LHFPL3: variants seen among roughly 807,000 people sequenced by gnomAD.
The protein encoded by LHFPL3 is LHFPL tetraspan subfamily member 3.
In LHFPL3, 5 loss-of-function variants were observed where a neutral mutation model predicts 19.3. The ratio of observed to expected loss-of-function variants is 0.26; its 90% CI spans 0.14 to 0.54. The LOEUF is 0.54. Among genes scored for constraint, LHFPL3 ranks in the 20% least tolerant of loss-of-function variants. LHFPL3 has a pLI of 0.94. For synonymous variants in LHFPL3, 133 were observed against 126.2 expected, an observed-to-expected ratio of 1.05 and a Z score of -0.36; for missense variants, 249 against 307.4, an observed-to-expected ratio of 0.81 and a Z score of 1.42.
At chr7:104,555,871 G>A (rs1387916730) in intron 1 of LHFPL3, among the ~76,000 whole-genome samples, 1 of 152,190 alleles carries the variant, frequency 6.6e-6, no homozygotes, top group Non-Finnish European at 1.5e-5. Context: ...TGGGGGTACA[G>A]GCATTACAAC....
chr7:104,876,025 C>T (rs762250064), intron 2 of LHFPL3, among the ~76,000 whole-genome samples: 1 of 152,140 alleles, frequency 6.6e-6, no homozygotes, highest in Non-Finnish European at 1.5e-5. Flanking sequence ...ATTCCAGGGT[C>T]AAATAATGAT....
chr7:104,464,888 C>T (rs1452442092), intron 1 of LHFPL3, among the ~76,000 whole-genome samples: 3 of 152,230 alleles, frequency 2.0e-5, no homozygotes, highest in Non-Finnish European at 4.4e-5. Context: ...ATTGCTTATG[C>T]AAGTTTCTAC....
At chr7:104,837,440 T>C (rs180878915) in intron 2 of LHFPL3, among the ~76,000 whole-genome samples, 40 of 152,284 alleles carry the variant, frequency 2.6e-4, no homozygotes, top group African/African-American at 9.4e-4. Flanking sequence ...ATATACCCTT[T>C]AATGCTATAG....
At chr7:104,333,220 C>T (rs1158810978) in intron 1 of LHFPL3, among the ~76,000 whole-genome samples, 1 of 152,144 alleles carries the variant, frequency 6.6e-6, no homozygotes, top group African/African-American at 2.4e-5. Flanking sequence ...TGAATTGTTT[C>T]CAGAAGCCCA....
intron 1 of LHFPL3, among the ~76,000 whole-genome samples, chr7:104,559,690 T>C (rs973833010): frequency 3.9e-5 from 6 of 152,172 alleles, no homozygotes; most frequent in Admixed American, 3.9e-4. Flanking sequence ...CCTGCCTAAT[T>C]GCCCTGGCCA....
chr7:104,698,016 T>C (rs2116162005), intron 1 of LHFPL3, among the ~76,000 whole-genome samples: 1 of 152,340 alleles, frequency 6.6e-6, no homozygotes, highest in Non-Finnish European at 1.5e-5. Context: ...CCTAAATAAG[T>C]CCCAAATCCT....
At chr7:104,855,642 T>C (rs557667066) in intron 2 of LHFPL3, among the ~76,000 whole-genome samples, 1 of 151,896 alleles carries the variant, frequency 6.6e-6, no homozygotes, top group African/African-American at 2.4e-5. Context: ...TTTTTTTTTT[T>C]AGTCGGAGCC....
At chr7:104,650,411 C>T (rs1792010696) in intron 1 of LHFPL3, among the ~76,000 whole-genome samples, 1 of 152,178 alleles carries the variant, frequency 6.6e-6, no homozygotes, top group African/African-American at 2.4e-5. Context: ...ATCATTGTTC[C>T]TCACTGCTTC....
At chr7:104,817,458 A>T (rs1043115166) in intron 2 of LHFPL3, among the ~76,000 whole-genome samples, 1 of 152,174 alleles carries the variant, frequency 6.6e-6, no homozygotes, top group African/African-American at 2.4e-5. Context: ...CCACATCTTT[A>T]AACAACCTTC....
intron 2 of LHFPL3, among the ~76,000 whole-genome samples, chr7:104,836,885 T>G (rs1791107475): frequency 2.0e-5 from 3 of 152,142 alleles, no homozygotes; most frequent in South Asian, 4.1e-4. Context: ...TGACGACAAA[T>G]GAAAATTACA....
chr7:104,362,158 G>A (rs1242514146), intron 1 of LHFPL3, among the ~76,000 whole-genome samples: 1 of 152,194 alleles, frequency 6.6e-6, no homozygotes, highest in Non-Finnish European at 1.5e-5. Context: ...CAGTTTATTT[G>A]GGAGGTGCTC....
intron 2 of LHFPL3, among the ~76,000 whole-genome samples, chr7:104,868,761 T>C (rs1791777593): frequency 1.3e-5 from 2 of 152,188 alleles, no homozygotes; most frequent in South Asian, 4.1e-4. Flanking sequence ...AGAGCCCGCA[T>C]TGCCAAGTCA....
At chr7:104,468,825 AT>A (rs1210851609) in intron 1 of LHFPL3, among the ~76,000 whole-genome samples, 2 of 151,634 alleles carry the variant, frequency 1.3e-5, no homozygotes, top group Admixed American at 1.3e-4. Context: ...CACCCAGCCA[AT>A]TTTTTTGTAT....
intron 1 of LHFPL3, among the ~76,000 whole-genome samples, chr7:104,571,600 T>C (rs191334732): frequency 6.6e-6 from 1 of 152,158 alleles, no homozygotes; most frequent in Admixed American, 6.5e-5. Flanking sequence ...CACTGATGGG[T>C]CGGGTTATAT....
intron 1 of LHFPL3, chr7:104,470,028 G>T (rs1416394924): frequency 2.2e-6 from 1 of 455,904 alleles, no homozygotes; most frequent in African/African-American, 2.0e-5. Flanking sequence ...GATGCTGTGT[G>T]AACTTCGGGT....
chr7:104,688,185 G>A (rs1298361188), intron 1 of LHFPL3, among the ~76,000 whole-genome samples: 1 of 152,124 alleles, frequency 6.6e-6, no homozygotes. Flanking sequence ...TATAATGAAG[G>A]TGGTTGTTTG....
intron 1 of LHFPL3, among the ~76,000 whole-genome samples, chr7:104,599,368 A>G (rs114270583): frequency 2.0e-3 from 301 of 152,192 alleles, no homozygotes; most frequent in African/African-American, 6.1e-3. Context: ...TGGAAATAAC[A>G]TTTTCTTGTA....
intron 2 of LHFPL3, among the ~76,000 whole-genome samples, chr7:104,771,452 AC>A (rs1764870309): frequency 6.6e-6 from 1 of 152,074 alleles, no homozygotes; most frequent in Non-Finnish European, 1.5e-5. Flanking sequence ...GGCTCTTTTT[AC>A]TGGAAAATGC....
At chr7:104,438,630 G>A (rs1377619965) in intron 1 of LHFPL3, among the ~76,000 whole-genome samples, 1 of 152,012 alleles carries the variant, frequency 6.6e-6, no homozygotes, top group Non-Finnish European at 1.5e-5. Flanking sequence ...TATAACTTAT[G>A]CTTACATTAG....
Sources: allele counts gnomAD v4.1 joint callset (sites outside exome capture counted in the v4.1 genomes callset), GRCh38; gene constraint gnomAD v4.1.1; transcripts MANE v1.5; gene names NCBI Gene and HGNC (gene_info 2026-07-23, HGNC 2026-07-21).